The following FAM184A variants were observed in gnomAD, a reference collection of about 807,000 sequenced individuals.
FAM184A encodes the protein family with sequence similarity 184 member A.
FAM184A carries 99 observed loss-of-function variants against 143.8 expected under a neutral mutation model. That is an observed-to-expected ratio of 0.69 (90% CI 0.58 to 0.81). The LOEUF (loss-of-function observed/expected upper bound fraction) is 0.81, where lower values mean the gene tolerates loss of function less well. Among genes scored for constraint, FAM184A ranks in the 40% least tolerant of loss-of-function variants. FAM184A has a pLI of 0.00. For missense variants in FAM184A, 1,217 were observed against 1,310.5 expected (o/e 0.93, Z 1.10); for synonymous variants, 427 against 446.4 (o/e 0.96, Z 0.55).
In FAM184A at chr6:118,964,776, G is replaced by A; in HGVS notation, c.3034-5C>T. ...CTGATAAAACTTATTATCCTCCTATGCAAAAGAATTATAAACATCTTTTAA... is the reference window on the plus strand; with the variant it reads ...CTGATAAAACTTATTATCCTCCTATACAAAAGAATTATAAACATCTTTTAA... On this transcript the variant is annotated splice_region_variant and splice_polypyrimidine_tract_variant and intron_variant, in intron 15 of 17. Transcript: ENST00000338891. 1.4e-6 allele frequency: 2 copies of A among 1,447,974 alleles called. No individual in the cohort carries two copies. The highest frequency in any genetic ancestry group is 1.9e-6 in the Non-Finnish European group (2 of 1,036,694). The allele number at this position is 1,447,974 out of a possible 1,614,324, so 89.7% of individuals were successfully genotyped here.
chr6:119,121,245 C>T (rs1789205260), intron 1 of FAM184A, among the ~76,000 whole-genome samples: 1 of 152,146 alleles, frequency 6.6e-6, no homozygotes, highest in South Asian at 2.1e-4. Flanking sequence ...GATCCTCCCA[C>T]CTCAGCCTTC....
intron 9 of FAM184A, among the ~76,000 whole-genome samples, chr6:118,994,656 A>C (rs1358835140): frequency 6.6e-6 from 1 of 151,386 alleles, no homozygotes; most frequent in Non-Finnish European, 1.5e-5. Flanking sequence ...ACTGCACTCC[A>C]GCCTGGGCAA....
intron 16 of FAM184A, chr6:118,962,711 A>G (rs1432335465): frequency 6.6e-6 from 1 of 152,184 alleles, no homozygotes; most frequent in Non-Finnish European, 1.5e-5. Context: ...TAAGAGATAA[A>G]AAGACAAATT....
Position 118,975,205 on chromosome 6 carries a change from T to G in FAM184A, c.2587A>C (p.Lys863Gln). 2 of 1,533,218 alleles carry G rather than the reference T, an allele frequency of 1.3e-6. No homozygotes were observed. Among genetic ancestry groups the G allele is most frequent in the Non-Finnish European group, 1.7e-6 (2 of 1,143,582 alleles). 95.0% of individuals were successfully genotyped at this position (1,533,218 alleles called of 1,614,324 possible). ...RSIDISRRQSKEHICRITDLQ... is the reference protein window; with the variant it reads ...RSIDISRRQSQEHICRITDLQ... ...TCTGTAATTCTACATATGTGCTCCT[T>G]ACTCTGTTAAAAAAAAAAAGTCATT... The change falls in exon 13 of 18, where the codon AAG becomes CAG. Residue 863 changes from lysine to glutamine, a missense_variant. Lys to Gln is a moderately conservative substitution (Grantham distance 53). Coordinates refer to ENST00000338891, the MANE Select transcript of FAM184A (RefSeq NM_024581.6).
At chr6:119,115,808 C>CA (rs66619118) in intron 1 of FAM184A, among the ~76,000 whole-genome samples, 27,275 of 142,256 alleles carry the variant, frequency 0.19, 2,866 homozygotes, top group Non-Finnish European at 0.26. Flanking sequence ...ACTAAAAATA[C>CA]AAAAAAAAAA....
At position 119,042,530 on chromosome 6, in the gene FAM184A, T is replaced by C. The variant is rs370733930; in HGVS notation, c.160-17717A>G. Among the ~76,000 whole-genome samples the C allele has an allele frequency of 1.1e-4, 16 of 152,256 alleles. 1 individual carries two copies. In the South Asian group the frequency reaches 2.5e-3, roughly 24 times the overall value. On this transcript the variant is annotated intron_variant, in intron 1 of 17. Transcript: ENST00000338891. ...TCTTTTGAGGAGGCAAAGACTGAAG[T>C]TGCCGTGGACCCATATGGATTCACC...
intron 1 of FAM184A, among the ~76,000 whole-genome samples, chr6:119,085,938 T>C (rs1788210002): frequency 6.6e-6 from 1 of 152,092 alleles, no homozygotes; most frequent in Non-Finnish European, 1.5e-5. Flanking sequence ...ACCCATTCAT[T>C]ATCATGAGAA....
chr6:119,105,542 G>A (rs891760584), intron 1 of FAM184A, among the ~76,000 whole-genome samples: 1 of 152,160 alleles, frequency 6.6e-6, no homozygotes, highest in South Asian at 2.1e-4. Context: ...TAAGCCTGCA[G>A]AACTGTGAGT....
chr6:119,123,811 A>G (rs554583708), intron 1 of FAM184A, among the ~76,000 whole-genome samples: 3 of 152,350 alleles, frequency 2.0e-5, no homozygotes, highest in African/African-American at 7.2e-5. Flanking sequence ...CTTAAGAAAT[A>G]AATATGGACA....
chr6:119,148,912 G>A (rs1772547686), intron 1 of FAM184A, among the ~76,000 whole-genome samples: 1 of 151,662 alleles, frequency 6.6e-6, no homozygotes, highest in African/African-American at 2.4e-5. Flanking sequence ...ATTTGTTTTT[G>A]ACACTTGCCA....
chr6:119,030,646 C>T (rs1785832669), intron 1 of FAM184A, among the ~76,000 whole-genome samples: 1 of 151,894 alleles, frequency 6.6e-6, no homozygotes, highest in East Asian at 1.9e-4. Flanking sequence ...ATGTAAGGCA[C>T]TAAAACATGG....
intron 5 of FAM184A, among the ~76,000 whole-genome samples, chr6:119,013,842 C>T (rs776411957): frequency 4.6e-5 from 7 of 152,176 alleles, no homozygotes; most frequent in East Asian, 1.9e-4. Context: ...TTCTTAATAG[C>T]GCTGTGGCTC....
At chr6:118,971,178 G>T (rs922794973) in intron 14 of FAM184A, among the ~76,000 whole-genome samples, 4 of 152,130 alleles carry the variant, frequency 2.6e-5, no homozygotes, top group African/African-American at 9.7e-5. Flanking sequence ...TCTGATTTGT[G>T]ACAAGACTAC....
intron 1 of FAM184A, among the ~76,000 whole-genome samples, chr6:119,130,858 CTTTTTTTTTTT>C: frequency 7.6e-6 from 1 of 131,712 alleles, no homozygotes; most frequent in South Asian, 2.5e-4. Flanking sequence ...TTCTTTTTTT[CTTTTTTTTTTT>C]TTTTTTGAGA....
intron 1 of FAM184A, among the ~76,000 whole-genome samples, chr6:119,102,025 C>T (rs936168498): frequency 6.6e-6 from 1 of 152,046 alleles, no homozygotes; most frequent in Non-Finnish European, 1.5e-5. Context: ...CACTGCACTC[C>T]AGCCTGGGCA....
At position 119,011,309 on chromosome 6, in the gene FAM184A, C is replaced by G; in HGVS notation, c.1653G>C (p.Glu551Asp). ...LEDKLNTANQ[E>D]IGHLQDMVRK... ...GGCAACAGGTCTAAAGAATTCTTGC[C>G]TCTTGATTGGCTGTATTCAACTTGT... The change falls in exon 6 of 18, where the codon GAG becomes GAC. Residue 551 changes from glutamate to aspartate, a missense_variant and splice_region_variant. Glu to Asp is a conservative substitution (Grantham distance 45). Coordinates refer to ENST00000338891, the MANE Select transcript of FAM184A (RefSeq NM_024581.6). 1 of 1,607,268 alleles carries G rather than the reference C, an allele frequency of 6.2e-7. No homozygotes were observed. Among genetic ancestry groups the G allele is most frequent in the Non-Finnish European group, 8.5e-7 (1 of 1,177,262 alleles).
chr6:119,024,837 GAGA>G (rs765034394), intron 1 of FAM184A, 24 bp from the exon 2 acceptor site: 1 of 1,536,726 alleles, frequency 6.5e-7, no homozygotes, highest in East Asian at 2.3e-5. Flanking sequence ...AATAAGAAGG[GAGA>G]AGGATTGTGA....
Position 119,002,991 on chromosome 6 carries a change from ACTT to A in FAM184A, c.1993_1995del (p.Lys665del). 1 of 1,613,042 alleles carries A rather than the reference ACTT, an allele frequency of 6.2e-7. No individual in the cohort carries two copies. The highest frequency in any genetic ancestry group is 8.5e-7 in the Non-Finnish European group (1 of 1,179,570). On this transcript the variant is annotated inframe_deletion, in exon 9 of 18. Coordinates refer to ENST00000338891, the MANE Select transcript of FAM184A (RefSeq NM_024581.6). ...AACTGCAAAAGTTGAGACATTGCTG[ACTT>A]CTTATCCTCTTCATGTTGAAGCCTT...
At chr6:118,965,316 GGGATTAT>G (rs1248831642) in intron 15 of FAM184A, among the ~76,000 whole-genome samples, 1 of 150,750 alleles carries the variant, frequency 6.6e-6, no homozygotes, top group Non-Finnish European at 1.5e-5. Flanking sequence ...CCAAAGTGCT[GGGATTAT>G]AAGCATGAGC....
Sources: allele counts gnomAD v4.1 joint callset (sites outside exome capture counted in the v4.1 genomes callset), GRCh38; gene constraint gnomAD v4.1.1; transcripts MANE v1.5; gene names NCBI Gene and HGNC (gene_info 2026-07-23, HGNC 2026-07-21).